MFN1: variants seen among roughly 807,000 people sequenced by gnomAD.
MFN1 encodes mitofusin 1.
Under a neutral mutation model 92.4 loss-of-function variants are expected in MFN1, and 65 were observed. That is an observed-to-expected ratio of 0.70 (90% CI 0.58 to 0.86). The LOEUF (loss-of-function observed/expected upper bound fraction) is 0.86, where lower values mean the gene tolerates loss of function less well. MFN1 is among the 40% of genes least tolerant of loss of function. The pLI, the probability that MFN1 is intolerant of heterozygous loss-of-function variation, is 0.00. For synonymous variants in MFN1, 297 were observed against 300.9 expected (o/e 0.99, Z 0.13); for missense variants, 781 against 868.0 (o/e 0.90, Z 1.26).
chr3:179,384,354 A>G (rs1293162019), intron 14 of MFN1, among the ~76,000 whole-genome samples: 30 of 152,170 alleles, frequency 2.0e-4, no homozygotes, highest in Admixed American at 2.0e-3. Context: ...TAATGGGTAT[A>G]GAGTAGTATT....
At chr3:179,366,547 C>T (rs919113916) in intron 7 of MFN1, among the ~76,000 whole-genome samples, 2 of 152,084 alleles carry the variant, frequency 1.3e-5, no homozygotes, top group African/African-American at 4.8e-5. Context: ...ATAAAAATAA[C>T]TTAAACTATC....
intron 9 of MFN1, among the ~76,000 whole-genome samples, chr3:179,372,548 C>G (rs1209868477): frequency 6.6e-6 from 1 of 152,018 alleles, no homozygotes; most frequent in East Asian, 1.9e-4. Flanking sequence ...GTAAAATGTT[C>G]TTTTTTCAAG....
chr3:179,358,757 A>T, intron 3 of MFN1, 83 bp from the exon 4 acceptor site: 2 of 1,421,326 alleles, frequency 1.4e-6, no homozygotes, highest in South Asian at 3.0e-5. Flanking sequence ...TTTGGATTTT[A>T]AAAAAGTTGA....
rs923374800 is a variant in MFN1 at position 179,374,902 on chromosome 3, A to G, written c.976-318A>G. On this transcript the variant is annotated intron_variant, in intron 9 of 17. Transcript: ENST00000471841. Reference sequence around the variant, plus strand: ...TTGGATTAAAGGTGATCCAGATAAAAATAGTAATTCTAATGAGGAAATTTT... The same window carrying G: ...TTGGATTAAAGGTGATCCAGATAAAGATAGTAATTCTAATGAGGAAATTTT... Among the ~76,000 whole-genome samples, 3 of 152,340 alleles carry G rather than the reference A, an allele frequency of 2.0e-5. No individual in the cohort carries two copies. The East Asian group carries it at 5.8e-4, about 29-fold the overall frequency.
chr3:179,358,320 T>C (rs570741288), intron 3 of MFN1, among the ~76,000 whole-genome samples: 56 of 151,896 alleles, frequency 3.7e-4, no homozygotes, highest in African/African-American at 1.3e-3. Flanking sequence ...CCTGGCTAAT[T>C]TTTTGTATTT....
chr3:179,364,325 G>T lies in MFN1; in HGVS notation c.565G>T (p.Asp189Tyr). ...SPGTDVTTEL[D>Y]SWIDKFCLDA... ...AGGCACAGATGTCACTACAGAGCTG[G>T]ATAGCTGGATTGATAAGTTTTGCCT... Residue 189 changes from aspartate to tyrosine, a missense_variant, in exon 6 of 18, where the codon GAT becomes TAT. By Grantham distance (160) the Asp-to-Tyr change is radical (BLOSUM62 -3). Transcript: ENST00000471841. 1 of 1,613,648 alleles carries T rather than the reference G, an allele frequency of 6.2e-7. No individual in the cohort carries two copies. The highest frequency in any genetic ancestry group is 8.5e-7 in the Non-Finnish European group (1 of 1,179,770).
In MFN1 at chr3:179,393,703, A is replaced by T. The variant is rs1713991109; in HGVS notation, c.*1644A>T. ...GGTAACAACTACAACATGGAAAAAC[A>T]GTGTCTAAGATCACGTACTGCTAAT... is the stretch of plus-strand genomic sequence containing the variant. On this transcript the variant is annotated 3_prime_UTR_variant, in exon 18 of 18. Coordinates refer to ENST00000471841, the MANE Select transcript of MFN1 (RefSeq NM_033540.3). 1.3e-5 allele frequency: 2 copies of T among 152,352 alleles called. No homozygotes were observed. The highest frequency in any genetic ancestry group is 1.9e-4 in the East Asian group (1 of 5,184). The allele number at this position is 152,352 out of a possible 1,614,324, so 9.4% of individuals were successfully genotyped here.
chr3:179,350,726 A>T (rs958706335), intron 2 of MFN1, among the ~76,000 whole-genome samples: 3 of 152,246 alleles, frequency 2.0e-5, no homozygotes, highest in Non-Finnish European at 4.4e-5. Context: ...CAAATTGCAC[A>T]TATTTTATTA....
At chr3:179,374,888 G>T (rs1317499874) in intron 9 of MFN1, among the ~76,000 whole-genome samples, 1 of 152,040 alleles carries the variant, frequency 6.6e-6, no homozygotes, top group Non-Finnish European at 1.5e-5. Flanking sequence ...TGGATTAAAG[G>T]TGATCCAGAT....
Position 179,351,904 on chromosome 3 carries a change from A to G in MFN1, c.117A>G (p.Thr39=), listed in dbSNP as rs755703618. ...VTEGSHFVEA[T]YKNPELDRIA... ...AATGCCATTTCAATTTTGCAGCAAC[A>G]TATAAGAATCCGGAACTTGATCGAA... is the stretch of plus-strand genomic sequence containing the variant. The change falls in exon 3 of 18, where the codon ACA becomes ACG. Residue 39 remains threonine (T), a synonymous_variant. Transcript: ENST00000471841. The G allele has an allele frequency of 1.9e-6, 3 of 1,601,524 alleles. No homozygotes were observed. The highest frequency in any genetic ancestry group is 1.1e-5 in the South Asian group (1 of 89,196).
In MFN1 at chr3:179,394,012, A is replaced by G. The variant is rs1444446239; in HGVS notation, c.*1953A>G. On this transcript the variant is annotated 3_prime_UTR_variant, in exon 18 of 18. Coordinates refer to ENST00000471841, the MANE Select transcript of MFN1 (RefSeq NM_033540.3). ...GCTGGGACTACAGGCACACGCCACC[A>G]TGCCTGGCTAGTTTTTGTAAAGACG... is the stretch of plus-strand genomic sequence containing the variant. The G allele has an allele frequency of 6.6e-6, 1 of 152,264 alleles. No homozygotes were observed. Among genetic ancestry groups the G allele is most frequent in the Non-Finnish European group, 1.5e-5 (1 of 68,106 alleles). The allele number at this position is 152,264 out of a possible 1,614,324, so 9.4% of individuals were successfully genotyped here.
chr3:179,365,016 T>G, intron 6 of MFN1, 102 bp from the exon 7 acceptor site: 1 of 581,316 alleles, frequency 1.7e-6, no homozygotes. Context: ...GTCAGTGGTG[T>G]TAATTACTGT....
intron 3 of MFN1, among the ~76,000 whole-genome samples, chr3:179,353,055 A>AT (rs11408958): frequency 0.17 from 24,126 of 139,512 alleles, 2,643 homozygotes; most frequent in East Asian, 0.34. Flanking sequence ...TCCAGCCTAA[A>AT]TTTTTTTTTT....
At chr3:179,362,958 C>A (rs1712641800) in intron 5 of MFN1, among the ~76,000 whole-genome samples, 1 of 152,048 alleles carries the variant, frequency 6.6e-6, no homozygotes, top group Non-Finnish European at 1.5e-5. Flanking sequence ...GGTTTAAATA[C>A]AATGTTAACT....
intron 17 of MFN1, among the ~76,000 whole-genome samples, chr3:179,390,952 C>T (rs1261391144): frequency 6.6e-6 from 1 of 152,170 alleles, no homozygotes; most frequent in Non-Finnish European, 1.5e-5. Context: ...ATCTGACCAA[C>T]AACACGTGTT....
chr3:179,384,325 T>G (rs1219040053), intron 14 of MFN1, among the ~76,000 whole-genome samples: 1 of 152,188 alleles, frequency 6.6e-6, no homozygotes, highest in Non-Finnish European at 1.5e-5. Flanking sequence ...TCATTTCTCT[T>G]GAGTATATAC....
chr3:179,377,247 A>G, intron 11 of MFN1, 79 bp downstream of exon 11: 1 of 1,532,558 alleles, frequency 6.5e-7, no homozygotes, highest in Non-Finnish European at 8.8e-7. Flanking sequence ...TATTCCTGTT[A>G]CTTTAAAAGA....
At chr3:179,374,108 G>T (rs1227321833) in intron 9 of MFN1, among the ~76,000 whole-genome samples, 2 of 151,554 alleles carry the variant, frequency 1.3e-5, no homozygotes, top group East Asian at 1.9e-4. Flanking sequence ...TTGAAGACCG[G>T]CCTGGCCAAC....
Position 179,360,040 on chromosome 3 carries a change from C to T in MFN1, c.411+1038C>T, listed in dbSNP as rs58902410. ...AAGTGATTCTCCTCCCTCAGCCTCC[C>T]GAGTAGCTGGGATTACAGGCATGCA... is the stretch of plus-strand genomic sequence containing the variant. On this transcript the variant is annotated intron_variant, in intron 4 of 17. Coordinates refer to ENST00000471841, the MANE Select transcript of MFN1 (RefSeq NM_033540.3). Among the ~76,000 whole-genome samples, 532 of 151,960 alleles carry T rather than the reference C, an allele frequency of 3.5e-3. 13 individuals carry two copies. The East Asian group carries it at 0.063, about 18-fold the overall frequency.
Sources: allele counts gnomAD v4.1 joint callset (sites outside exome capture counted in the v4.1 genomes callset), GRCh38; gene constraint gnomAD v4.1.1; transcripts MANE v1.5; gene names NCBI Gene and HGNC (gene_info 2026-07-23, HGNC 2026-07-21).